Variants in FZD6 observed in about 807,000 individuals in gnomAD.
FZD6 encodes the protein frizzled-6.
In FZD6, 49 loss-of-function variants were observed where a neutral mutation model predicts 61.4. The observed-to-expected ratio is 0.80, with a 90% CI of 0.63 to 1.01. The LOEUF is 1.01. FZD6 is among the 50% of genes least tolerant of loss of function. FZD6 has a pLI of 0.00. For synonymous variants in FZD6, 265 were observed against 292.2 expected, an observed-to-expected ratio of 0.91 and a Z score of 0.95; for missense variants, 724 against 848.2, an observed-to-expected ratio of 0.85 and a Z score of 1.82.
At chr8:103,323,472 C>T (rs1316874373) in intron 3 of FZD6, among the ~76,000 whole-genome samples, 1 of 151,568 alleles carries the variant, frequency 6.6e-6, no homozygotes, top group Non-Finnish European at 1.5e-5. Flanking sequence ...TCTCTGTCTC[C>T]CAGGCTGGAG....
chr8:103,318,805 G>T lies in FZD6; in HGVS notation c.374+19G>T. 2 of 1,423,920 alleles carry T rather than the reference G, an allele frequency of 1.4e-6. No individual in the cohort carries two copies. Among genetic ancestry groups the T allele is most frequent in the African/African-American group, 1.4e-5 (1 of 71,386 alleles). The allele number at this position is 1,423,920 out of a possible 1,614,324, so 88.2% of individuals were successfully genotyped here. ...GTGACAGGTAAACAATGTTTTTCATGGAAAGCTACTAATGGTATTTTACTA... is the reference window on the plus strand; with the variant it reads ...GTGACAGGTAAACAATGTTTTTCATTGAAAGCTACTAATGGTATTTTACTA... On this transcript the variant is annotated intron_variant, in intron 3 of 6. Transcript: ENST00000358755.
At chr8:103,303,577 A>G (rs1206853691) in intron 2 of FZD6, among the ~76,000 whole-genome samples, 1 of 152,160 alleles carries the variant, frequency 6.6e-6, no homozygotes, top group Non-Finnish European at 1.5e-5. Flanking sequence ...GGTAGAGGCT[A>G]CATAAAAGCT....
chr8:103,323,588 G>A (rs528273444), intron 3 of FZD6, among the ~76,000 whole-genome samples: 4 of 151,790 alleles, frequency 2.6e-5, no homozygotes, highest in African/African-American at 7.3e-5. Flanking sequence ...CTGTCACCAC[G>A]CCCAGCTAAT....
At chr8:103,302,686 G>C (rs1410238711) in intron 2 of FZD6, among the ~76,000 whole-genome samples, 1 of 152,096 alleles carries the variant, frequency 6.6e-6, no homozygotes, top group African/African-American at 2.4e-5. Flanking sequence ...TTCAGACTTT[G>C]CTACTTATTT....
rs1166790169 is a variant in FZD6 at position 103,329,709 on chromosome 8, G to T, written c.1596G>T (p.Lys532Asn). ...AGGAATCATGTGAGTTTTTCTTAAA[G>T]CACAATTCTAAAGTTAAACACAAAA... ...VLQESCEFFLKHNSKVKHKKK... is the reference protein window; with the variant it reads ...VLQESCEFFLNHNSKVKHKKK... The change falls in exon 6 of 7, where the codon AAG (lysine) becomes AAT (asparagine). Residue 532 changes from lysine to asparagine, a missense_variant. Transcript: ENST00000358755. The T allele has an allele frequency of 3.4e-5, 54 of 1,611,798 alleles. 1 individual carries two copies. Among genetic ancestry groups the T allele is most frequent in the African/African-American group, 4.0e-5 (3 of 74,812 alleles).
rs1188744886 is a variant in FZD6 at position 103,328,281 on chromosome 8, C to A, written c.1406C>A (p.Ala469Asp). Residue 469 changes from alanine (A) to aspartate (D), a missense_variant, in exon 5 of 7, where the codon GCT becomes GAT. Physicochemically the swap from Ala to Asp is moderately radical, Grantham distance 126. Coordinates refer to ENST00000358755, the MANE Select transcript of FZD6 (RefSeq NM_003506.4). ...TATTTTTTGTAGGCAAAAGCAAAAG[C>A]TCGACCAGAATTGGCTTTATTTATG... ...IPCPYQAKAK[A>D]RPELALFMIK... is the part of the protein sequence containing the mutation. 2 of 1,611,056 alleles carry A rather than the reference C, an allele frequency of 1.2e-6. No individual in the cohort carries two copies. Among genetic ancestry groups the A allele is most frequent in the Admixed American group, 1.7e-5 (1 of 60,010 alleles).
chr8:103,300,463 C>T (rs3116466), intron 2 of FZD6, among the ~76,000 whole-genome samples, 179 bp downstream of exon 2: 16,737 of 152,154 alleles, frequency 0.11, 1,203 homozygotes, highest in East Asian at 0.2. Context: ...TGTACCTTTG[C>T]GGCCCTGTTT....
intron 4 of FZD6, among the ~76,000 whole-genome samples, chr8:103,327,411 A>T (rs376140650): frequency 6.6e-6 from 1 of 152,182 alleles, no homozygotes; most frequent in Non-Finnish European, 1.5e-5. Context: ...CCTGGGCAAC[A>T]TGGTAAAACC....
chr8:103,315,086 G>T (rs1814592282), intron 2 of FZD6, among the ~76,000 whole-genome samples: 1 of 151,988 alleles, frequency 6.6e-6, no homozygotes, highest in Non-Finnish European at 1.5e-5. Flanking sequence ...TTATGGATTT[G>T]TTTTTTACCT....
chr8:103,325,886 T>C (rs537406965), intron 4 of FZD6, among the ~76,000 whole-genome samples: 8 of 152,346 alleles, frequency 5.3e-5, no homozygotes. Flanking sequence ...TATATTTAAT[T>C]TGATCATATT....
Position 103,331,482 on chromosome 8 carries a change from G to A in FZD6, c.2094G>A (p.Gln698=), listed in dbSNP as rs1222447298. 6.2e-7 allele frequency: 1 copy of A among 1,612,478 alleles called. No homozygotes were observed. The highest frequency in any genetic ancestry group is 1.7e-5 in the Admixed American group (1 of 60,026). Residue 698 remains glutamine (Q), a synonymous_variant, in exon 7 of 7, where the codon CAG becomes CAA. Coordinates refer to ENST00000358755, the MANE Select transcript of FZD6 (RefSeq NM_003506.4). ...VHPVSGVRKE[Q]GGGCHSDT ...CGGTTTCAGGAGTGAGAAAAGAGCA[G>A]GGAGGTGGTTGTCATTCAGATACTT...
At chr8:103,300,726 AAATT>A (rs1267648281) in intron 2 of FZD6, among the ~76,000 whole-genome samples, 7 of 152,332 alleles carry the variant, frequency 4.6e-5, no homozygotes, top group South Asian at 2.1e-4. Context: ...TGAAATAAAT[AAATT>A]ATCAGAATAT....
At chr8:103,301,098 TAA>T (rs987544420) in intron 2 of FZD6, among the ~76,000 whole-genome samples, 1 of 152,196 alleles carries the variant, frequency 6.6e-6, no homozygotes, top group East Asian at 1.9e-4. Flanking sequence ...AGATTGTTGC[TAA>T]GAGAGGAAAT....
intron 3 of FZD6, 89 bp downstream of exon 3, chr8:103,318,875 T>G (rs1586517548): frequency 2.5e-6 from 2 of 785,132 alleles, no homozygotes; most frequent in East Asian, 5.1e-5. Context: ...TTTCATTATT[T>G]AATTCCATAA....
intron 2 of FZD6, among the ~76,000 whole-genome samples, chr8:103,305,834 C>T (rs975599227): frequency 6.6e-6 from 1 of 152,194 alleles, no homozygotes; most frequent in Non-Finnish European, 1.5e-5. Context: ...GGATATTTCT[C>T]CTGGGAGGCT....
At chr8:103,298,539 C>T (rs1321975039), upstream of FZD6, 1 of 152,214 alleles carries the variant, frequency 6.6e-6, no homozygotes, top group African/African-American at 2.4e-5. Context: ...CTTTTAGAGC[C>T]AGCGCCAAGA....
At chr8:103,319,391 CTTTCATAT>C (rs1814718687) in intron 3 of FZD6, among the ~76,000 whole-genome samples, 1 of 152,136 alleles carries the variant, frequency 6.6e-6, no homozygotes, top group African/African-American at 2.4e-5. Flanking sequence ...CAGGGCCCAT[CTTTCATAT>C]TTTTATGCTG....
At chr8:103,298,515 C>G (rs1009597281), upstream of FZD6, 3 of 152,208 alleles carry the variant, frequency 2.0e-5, no homozygotes, top group African/African-American at 7.2e-5. Flanking sequence ...CTGAAATCCG[C>G]AAGGAAGTGG....
intron 2 of FZD6, among the ~76,000 whole-genome samples, chr8:103,303,540 A>G (rs917080521): frequency 1.3e-5 from 2 of 152,046 alleles, no homozygotes; most frequent in Non-Finnish European, 1.5e-5. Flanking sequence ...CTGTATCCCT[A>G]ATACTAAGTA....
Sources: gnomAD v4.1 joint callset for allele counts (sites outside exome capture counted in the v4.1 genomes callset) on GRCh38, gnomAD v4.1.1 for gene constraint, MANE v1.5 for transcripts, NCBI Gene and HGNC (gene_info 2026-07-23, HGNC 2026-07-21) for gene names.